CHRDL2: variants seen among roughly 807,000 people sequenced by gnomAD.
CHRDL2 encodes the protein chordin-like protein 2.
CHRDL2 carries 41 observed loss-of-function variants against 54.3 expected under a neutral mutation model. That is an observed-to-expected ratio of 0.76 (90% CI 0.59 to 0.98). The LOEUF (loss-of-function observed/expected upper bound fraction) is 0.98, where lower values mean the gene tolerates loss of function less well. Ranked by LOEUF, CHRDL2 falls within the 50% of genes least tolerant of loss-of-function variation. The pLI is 0.00. For synonymous variants in CHRDL2, 220 were observed against 224.3 expected (o/e 0.98, Z 0.17); for missense variants, 518 against 562.4 (o/e 0.92, Z 0.80).
chr11:74,709,396 CA>C (rs2135252743), intron 4 of CHRDL2, among the ~76,000 whole-genome samples: 1 of 152,290 alleles, frequency 6.6e-6, no homozygotes, highest in South Asian at 2.1e-4. Flanking sequence ...TGATCTCAGG[CA>C]AGTCACTTAA....
In CHRDL2 at chr11:74,704,638, G is replaced by C. The variant is rs768814473; in HGVS notation, c.599C>G (p.Pro200Arg). ...CTTTCTCCCAGCATCACTGGAACAT[G>C]GATCCTGAGGATGTCTCTGCAAATG... Reference protein sequence around the residue: ...SLHGVRHPQDPCSSDAGRKRG... With the variant: ...SLHGVRHPQDRCSSDAGRKRG... The change falls in exon 7 of 11, where the codon CCA becomes CGA. Residue 200 changes from proline to arginine, a missense_variant. Physicochemically the swap from Pro to Arg is moderately radical, Grantham distance 103. Coordinates refer to ENST00000376332, the MANE Select transcript of CHRDL2 (RefSeq NM_001278473.3). 1.2e-6 allele frequency: 2 copies of C among 1,606,040 alleles called. No homozygotes were observed. Among genetic ancestry groups the C allele is most frequent in the Admixed American group, 3.4e-5 (2 of 58,630 alleles).
chr11:74,700,646 T>TTATTATTA (rs1283260897), intron 9 of CHRDL2, among the ~76,000 whole-genome samples: 4 of 104,000 alleles, frequency 3.8e-5, no homozygotes, highest in South Asian at 2.9e-4. Context: ...TATTATTATT[T>TTATTATTA]TTTTTTTTTT....
At position 74,730,908 on chromosome 11, in the gene CHRDL2, C is replaced by T; in HGVS notation, c.-20G>A. On this transcript the variant is annotated 5_prime_UTR_variant, in exon 1 of 11. Transcript: ENST00000376332. ...AACCATCCTTTCCCCAGGGTCAGGC[C>T]GCTGGTCCGGGAGCGGAGTCGGGAG... The T allele has an allele frequency of 6.3e-7, 1 of 1,594,644 alleles. No homozygotes were observed. The highest frequency in any genetic ancestry group is 8.5e-7 in the Non-Finnish European group (1 of 1,170,116).
chr11:74,697,357 G>A, intron 9 of CHRDL2, 60 bp from the exon 10 acceptor site: 1 of 1,242,284 alleles, frequency 8.0e-7, no homozygotes, highest in Non-Finnish European at 1.2e-6. Context: ...GGTGAAAAGT[G>A]AAACAGGGTG....
At chr11:74,708,539 G>T in intron 4 of CHRDL2, 144 bp from the exon 5 acceptor site, 1 of 612,752 alleles carries the variant, frequency 1.6e-6, no homozygotes, top group Non-Finnish European at 2.7e-6. Context: ...TCCACAGCAA[G>T]GCCCGGCCAG....
chr11:74,731,182 T>C lies in CHRDL2; in HGVS notation c.-294A>G, dbSNP rs1176881892. 1 of 349,378 alleles carries C rather than the reference T, an allele frequency of 2.9e-6. No individual in the cohort carries two copies. Among genetic ancestry groups the C allele is most frequent in the Non-Finnish European group, 5.2e-6 (1 of 191,396 alleles). 21.6% of individuals were successfully genotyped at this position (349,378 alleles called of 1,614,324 possible). A position where few individuals can be genotyped will look rare whatever the true frequency, so the allele number is the denominator to read the frequency against. On this transcript the variant is annotated 5_prime_UTR_variant, in exon 1 of 11. Coordinates refer to ENST00000376332, the MANE Select transcript of CHRDL2 (RefSeq NM_001278473.3). This position sits in a 1 kb window ranked among gnomAD's most constrained non-coding sequence, Gnocchi z 4.4. ...GAGGCGATCAAAGAAAGGGGGAAGG[T>C]GAGAGGGAGAGGAGGAGAAAGCAGG...
In CHRDL2 at chr11:74,730,896, C is replaced by A. The variant is rs1179967521; in HGVS notation, c.-8G>T. The A allele has an allele frequency of 4.4e-6, 7 of 1,604,880 alleles. No homozygotes were observed. The highest frequency in any genetic ancestry group is 6.0e-6 in the Non-Finnish European group (7 of 1,176,016). ...CCTCACCTCGGGAACCATCCTTTCCCCAGGGTCAGGCCGCTGGTCCGGGAG... is the reference window on the plus strand; with the variant it reads ...CCTCACCTCGGGAACCATCCTTTCCACAGGGTCAGGCCGCTGGTCCGGGAG... On this transcript the variant is annotated 5_prime_UTR_variant, in exon 1 of 11. Coordinates refer to ENST00000376332, the MANE Select transcript of CHRDL2 (RefSeq NM_001278473.3).
intron 1 of CHRDL2, among the ~76,000 whole-genome samples, chr11:74,724,999 CTT>C (rs796745469): frequency 2.8e-5 from 4 of 145,344 alleles, no homozygotes; most frequent in Admixed American, 6.9e-5. Context: ...TTCTTTCATT[CTT>C]TTTTTTTTTT....
At chr11:74,728,511 C>A (rs2034604148) in intron 1 of CHRDL2, among the ~76,000 whole-genome samples, 1 of 140,490 alleles carries the variant, frequency 7.1e-6, no homozygotes, top group Admixed American at 7.3e-5. Flanking sequence ...GGTCCAGGAC[C>A]CAGGTCTGTT....
chr11:74,697,173 C>G (rs112413725), intron 10 of CHRDL2, 32 bp downstream of exon 10: 1 of 1,566,478 alleles, frequency 6.4e-7, no homozygotes, highest in African/African-American at 1.4e-5. Flanking sequence ...CTTCTTCCTG[C>G]CCCGGCCCCA....
chr11:74,697,715 A>T, intron 9 of CHRDL2: 1 of 407,002 alleles, frequency 2.5e-6, no homozygotes, highest in Admixed American at 2.8e-5. Context: ...CTCTCACAAC[A>T]CCCACCTGTC....
chr11:74,722,662 G>C (rs965869919), intron 1 of CHRDL2, among the ~76,000 whole-genome samples: 2 of 152,124 alleles, frequency 1.3e-5, no homozygotes, highest in African/African-American at 4.8e-5. Context: ...ACCTATTAGG[G>C]GATGAACATC....
chr11:74,704,537 C>A lies in CHRDL2; in HGVS notation c.700G>T (p.Gly234Ter), dbSNP rs375274932. ...ATCTTGACAGTTGTGCTGCCTGCTCCCTTGGGTCTGAAGTGGCGAGGGATG... is the reference window on the plus strand; with the variant it reads ...ATCTTGACAGTTGTGCTGCCTGCTCACTTGGGTCTGAAGTGGCGAGGGATG... ...SFIPRHFRPK[G>*]AGSTTVKIVL... is the part of the protein sequence containing the mutation. Residue 234 changes from glycine to a stop codon, truncating the protein, a stop_gained, in exon 7 of 11, where the codon GGA becomes TGA. Transcript: ENST00000376332. LOFTEE classifies it high-confidence loss of function. The A allele has an allele frequency of 6.3e-7, 1 of 1,584,524 alleles. No homozygotes were observed. Among genetic ancestry groups the A allele is most frequent in the African/African-American group, 1.4e-5 (1 of 73,128 alleles).
chr11:74,697,483 C>T (rs1431901383), intron 9 of CHRDL2, 186 bp from the exon 10 acceptor site: 2 of 603,624 alleles, frequency 3.3e-6, no homozygotes, highest in Admixed American at 5.0e-5. Flanking sequence ...CTCTCTGCCA[C>T]TATCCTCACT....
chr11:74,730,715 C>A, intron 1 of CHRDL2, 92 bp downstream of exon 1: 2 of 1,238,232 alleles, frequency 1.6e-6, no homozygotes, highest in Non-Finnish European at 2.3e-6. Flanking sequence ...GGACGGCTGT[C>A]AGAAGAGCTT....
intron 2 of CHRDL2, among the ~76,000 whole-genome samples, chr11:74,716,549 AAAAAAAAAAAGAAAGAAAAG>A (rs1465487964): frequency 7.1e-6 from 1 of 141,590 alleles, no homozygotes; most frequent in Non-Finnish European, 1.6e-5. Flanking sequence ...CCAAAAAAAA[AAAAAAAAAAAGAAAGAAAAG>A]AAAAGAAATT....
chr11:74,713,500 A>C, intron 2 of CHRDL2, 21 bp from the exon 3 acceptor site: 2 of 1,603,472 alleles, frequency 1.2e-6, no homozygotes, highest in East Asian at 4.5e-5. Context: ...CACAAGGGTC[A>C]GCCCTGGTTC....
intron 5 of CHRDL2, among the ~76,000 whole-genome samples, 172 bp from the exon 6 acceptor site, chr11:74,706,714 T>C (rs2034022835): frequency 6.6e-6 from 1 of 152,162 alleles, no homozygotes; most frequent in Non-Finnish European, 1.5e-5. Flanking sequence ...CCACTTCCCA[T>C]TACAGCCTCT....
chr11:74,710,764 TC>T (rs2034161370), intron 4 of CHRDL2, 84 bp downstream of exon 4: 4 of 1,477,908 alleles, frequency 2.7e-6, no homozygotes, highest in Admixed American at 2.3e-5. Context: ...GGAGGAACAA[TC>T]CCCCCAGTCC....
Sources: allele counts gnomAD v4.1 joint callset (sites outside exome capture counted in the v4.1 genomes callset), GRCh38; gene constraint gnomAD v4.1.1; non-coding constraint Gnocchi (gnomAD v3.1); transcripts MANE v1.5; gene names NCBI Gene and HGNC (gene_info 2026-07-23, HGNC 2026-07-21).